The following ZMYM4 variants were observed in gnomAD, a reference collection of about 807,000 sequenced individuals.
ZMYM4 encodes zinc finger MYM-type containing 4.
ZMYM4 carries 31 observed loss-of-function variants against 183.2 expected under a neutral mutation model. The ratio of observed to expected loss-of-function variants is 0.17; its 90% CI spans 0.13 to 0.23. The LOEUF (loss-of-function observed/expected upper bound fraction) is 0.23. Ranked by LOEUF, ZMYM4 falls within the 10% of genes least tolerant of loss-of-function variation. The pLI is 1.00. For synonymous variants in ZMYM4, 592 were observed against 631.2 expected (o/e 0.94, Z 0.93); for missense variants, 1,273 against 1,840.3 (o/e 0.69, Z 5.64).
chr1:35,344,338 G>A (rs1230817766), intron 2 of ZMYM4, among the ~76,000 whole-genome samples: 2 of 152,114 alleles, frequency 1.3e-5, no homozygotes, highest in Non-Finnish European at 2.9e-5. Context: ...ACAGGTGTAA[G>A]CCCCTGTGCC....
chr1:35,304,021 A>G (rs1427328176), intron 1 of ZMYM4, among the ~76,000 whole-genome samples: 1 of 150,802 alleles, frequency 6.6e-6, no homozygotes, highest in African/African-American at 2.4e-5. Flanking sequence ...TTACATTACC[A>G]TACAGTTTCT....
At chr1:35,280,601 T>G (rs184272713) in intron 1 of ZMYM4, among the ~76,000 whole-genome samples, 1 of 152,352 alleles carries the variant, frequency 6.6e-6, no homozygotes, top group Admixed American at 6.5e-5. Context: ...GAAATCAGGA[T>G]GTTGGCAAGG....
intron 5 of ZMYM4, among the ~76,000 whole-genome samples, chr1:35,363,249 G>T (rs1197119923): frequency 1.3e-5 from 2 of 152,030 alleles, no homozygotes; most frequent in African/African-American, 4.8e-5. Flanking sequence ...CAAAGTGTTG[G>T]GTTTACAGAC....
chr1:35,399,138 G>A, intron 22 of ZMYM4, 95 bp downstream of exon 22: 1 of 1,204,552 alleles, frequency 8.3e-7, no homozygotes, highest in Middle Eastern at 2.0e-4. Context: ...AATTGTTATT[G>A]ATAATAACAG....
At chr1:35,288,398 G>A (rs1640607870) in intron 1 of ZMYM4, among the ~76,000 whole-genome samples, 1 of 152,074 alleles carries the variant, frequency 6.6e-6, no homozygotes, top group South Asian at 2.1e-4. Flanking sequence ...TTTTCCTGTG[G>A]CGAAAGGCAG....
intron 15 of ZMYM4, among the ~76,000 whole-genome samples, chr1:35,391,499 C>T (rs1412960446): frequency 6.6e-6 from 1 of 151,916 alleles, no homozygotes; most frequent in African/African-American, 2.4e-5. Flanking sequence ...AGTGTAGTCT[C>T]CTTACAAATA....
At chr1:35,315,144 C>G (rs7535344) in intron 1 of ZMYM4, among the ~76,000 whole-genome samples, 27 of 150,882 alleles carry the variant, frequency 1.8e-4, no homozygotes, top group African/African-American at 6.6e-4. Flanking sequence ...TGATACATTT[C>G]GACTATTTTA....
At chr1:35,385,137 G>T (rs1426064895) in intron 9 of ZMYM4, among the ~76,000 whole-genome samples, 1 of 152,120 alleles carries the variant, frequency 6.6e-6, no homozygotes, top group Non-Finnish European at 1.5e-5. Context: ...GAGCCACTAC[G>T]CCTGGCCGCA....
Position 35,407,208 on chromosome 1 carries a change from C to T in ZMYM4, c.3797-800C>T, listed in dbSNP as rs577332257. Among the ~76,000 whole-genome samples the T allele has an allele frequency of 1.3e-4, 20 of 151,862 alleles. 1 individual carries two copies. In the South Asian group the frequency reaches 1.5e-3, roughly 11 times the overall value. ...CAGCACTTTGGGAGGCCGAGGCGGGCGGATCACCAGAGGTTGGGAGTTTGA... is the reference window on the plus strand; with the variant it reads ...CAGCACTTTGGGAGGCCGAGGCGGGTGGATCACCAGAGGTTGGGAGTTTGA... On this transcript the variant is annotated intron_variant, in intron 25 of 29. Transcript: ENST00000314607.
chr1:35,314,833 T>C (rs1422981723), intron 1 of ZMYM4, among the ~76,000 whole-genome samples: 1 of 150,796 alleles, frequency 6.6e-6, no homozygotes, highest in Non-Finnish European at 1.5e-5. Context: ...AAGACCAGCC[T>C]GGCCAACATG....
Position 35,393,611 on chromosome 1 carries a change from A to T in ZMYM4, c.2783A>T (p.Asp928Val), listed in dbSNP as rs777673803. ...TTTTACTAGGCAAGTACTCAAACAGATGCCCTGAAACTGCCACCTTCCCAA... is the reference window on the plus strand; with the variant it reads ...TTTTACTAGGCAAGTACTCAAACAGTTGCCCTGAAACTGCCACCTTCCCAA... ...KIIGDASTQT[D>V]ALKLPPSQPP... Residue 928 changes from aspartate to valine, a missense_variant, in exon 18 of 30, where the codon GAT (aspartate) becomes GTT (valine). Physicochemically the swap from Asp to Val is radical, Grantham distance 152. Transcript: ENST00000314607. 3 of 1,609,140 alleles carry T rather than the reference A, an allele frequency of 1.9e-6. No individual in the cohort carries two copies. The highest frequency in any genetic ancestry group is 2.5e-6 in the Non-Finnish European group (3 of 1,177,260).
At chr1:35,352,399 C>T (rs1643660616) in intron 2 of ZMYM4, among the ~76,000 whole-genome samples, 1 of 151,634 alleles carries the variant, frequency 6.6e-6, no homozygotes, top group Admixed American at 6.6e-5. Flanking sequence ...CACACACACA[C>T]ACACACACAC....
In ZMYM4 at chr1:35,282,183, A is replaced by G. The variant is rs1309849749; in HGVS notation, c.39+13098A>G. ...TTTTAATGAGTGTCTTTTAAAATTC[A>G]TGTTGAAATTTGATTCCCAATATGG... On this transcript the variant is annotated intron_variant, in intron 1 of 29. Transcript: ENST00000314607. Among the ~76,000 whole-genome samples, 5 of 152,188 alleles carry G rather than the reference A, an allele frequency of 3.3e-5. No homozygotes were observed. In the East Asian group the frequency reaches 9.6e-4, roughly 29 times the overall value.
intron 18 of ZMYM4, among the ~76,000 whole-genome samples, chr1:35,395,168 C>T (rs1189228570): frequency 6.7e-6 from 1 of 150,308 alleles, no homozygotes; most frequent in Non-Finnish European, 1.5e-5. Flanking sequence ...TGGACCACAC[C>T]AAAATAGCAA....
chr1:35,314,304 AGACGGAGTCTTGCTCTGT>A, intron 1 of ZMYM4, among the ~76,000 whole-genome samples: 1 of 150,140 alleles, frequency 6.7e-6, no homozygotes, highest in Non-Finnish European at 1.5e-5. Flanking sequence ...TTTTTTTTTG[AGACGGAGTCTTGCTCTGT>A]CTCCCAGGCT....
intron 1 of ZMYM4, among the ~76,000 whole-genome samples, chr1:35,295,632 G>A (rs147951931): frequency 1.9e-4 from 29 of 152,276 alleles, no homozygotes; most frequent in African/African-American, 6.5e-4. Context: ...GATTTGGGGA[G>A]CAAAATTGCT....
intron 2 of ZMYM4, among the ~76,000 whole-genome samples, chr1:35,332,897 A>G (rs981543119): frequency 6.6e-6 from 1 of 152,110 alleles, no homozygotes; most frequent in Non-Finnish European, 1.5e-5. Context: ...GGTCTTGGCT[A>G]TGTTGCCCAT....
chr1:35,369,248 A>C (rs1644153769), intron 5 of ZMYM4, among the ~76,000 whole-genome samples: 1 of 152,224 alleles, frequency 6.6e-6, no homozygotes. Context: ...TTTAGAATGC[A>C]ATTGTATAAT....
chr1:35,362,701 G>A (rs916314357), intron 5 of ZMYM4, among the ~76,000 whole-genome samples: 1 of 151,522 alleles, frequency 6.6e-6, no homozygotes. Flanking sequence ...CTTTCTTTTT[G>A]TTTTTTCTCT....
Sources: gnomAD v4.1 joint callset for allele counts (sites outside exome capture counted in the v4.1 genomes callset) on GRCh38, gnomAD v4.1.1 for gene constraint, MANE v1.5 for transcripts, NCBI Gene and HGNC (gene_info 2026-07-23, HGNC 2026-07-21) for gene names.